Variants in ZNF563 observed in about 807,000 individuals in gnomAD.
The protein encoded by ZNF563 is zinc finger protein 563.
ZNF563 carries 39 observed loss-of-function variants against 48.5 expected under a neutral mutation model. The ratio of observed to expected loss-of-function variants is 0.80; its 90% confidence interval spans 0.62 to 1.05. The LOEUF is 1.05. ZNF563 is among the 50% of genes least tolerant of loss of function. The probability of loss-of-function intolerance (pLI) is 0.00; values close to 1 mark genes in which losing one functional copy is unlikely to be tolerated. For synonymous variants in ZNF563, 168 were observed against 187.9 expected (o/e 0.89, Z 0.87); for missense variants, 538 against 597.0 (o/e 0.90, Z 1.03).
chr19:12,319,309 G>A lies in ZNF563; in HGVS notation c.716C>T (p.Ser239Phe), dbSNP rs1398288950. The A allele has an allele frequency of 1.2e-6, 2 of 1,613,646 alleles. No homozygotes were observed. The highest frequency in any genetic ancestry group is 1.1e-5 in the South Asian group (1 of 91,026). Residue 239 changes from serine (S) to phenylalanine (F), a missense_variant, in exon 4 of 4, where the codon TCC (serine) becomes TTC (phenylalanine). Ser to Phe is a radical substitution (Grantham distance 155). Coordinates refer to ENST00000293725, the MANE Select transcript of ZNF563 (RefSeq NM_145276.3). ...GTGCATTCTCTCATGTCTTCGATAGGAACTGTAAAAAGGAAAGGCTTTAGA... is the reference window on the plus strand; with the variant it reads ...GTGCATTCTCTCATGTCTTCGATAGAAACTGTAAAAAGGAAAGGCTTTAGA... ...QCSKAFPFYS[S>F]YRRHERMHTG...
the ZNF563 span, among the ~76,000 whole-genome samples, chr19:12,340,828 A>G: frequency 6.6e-6 from 1 of 152,202 alleles, no homozygotes; most frequent in Non-Finnish European, 1.5e-5. Context: ...CTGTTTTTCA[A>G]AAGTGAGAAA....
upstream of ZNF563, among the ~76,000 whole-genome samples, chr19:12,336,995 T>A (rs1969027875): frequency 6.6e-6 from 1 of 152,236 alleles, no homozygotes; most frequent in Non-Finnish European, 1.5e-5. Context: ...CAGATAGTAA[T>A]GTCTTGGGTG....
rs528472316 is a variant in ZNF563 at position 12,333,310 on chromosome 19, C to G, written c.3+170G>C. Among the ~76,000 whole-genome samples the G allele has an allele frequency of 2.2e-3, 342 of 152,368 alleles. 3 individuals are homozygous for G. The highest frequency in any genetic ancestry group is 3.0e-3 in the Non-Finnish European group (202 of 68,042). On this transcript the variant is annotated intron_variant, in intron 1 of 3. Coordinates refer to ENST00000293725, the MANE Select transcript of ZNF563 (RefSeq NM_145276.3). Reference sequence around the variant, plus strand: ...GGACGCCCGGGGTCCCGGCTGCCAGCTCAGCCTCACTCTGTGGCTGAGGGG... The same window carrying G: ...GGACGCCCGGGGTCCCGGCTGCCAGGTCAGCCTCACTCTGTGGCTGAGGGG...
Position 12,319,711 on chromosome 19 carries a change from C to T in ZNF563, c.314G>A (p.Ser105Asn). 1.2e-6 allele frequency: 2 copies of T among 1,614,146 alleles called. No homozygotes were observed. The highest frequency in any genetic ancestry group is 1.7e-6 in the Non-Finnish European group (2 of 1,180,020). Residue 105 changes from serine (S) to asparagine (N), a missense_variant, in exon 4 of 4, where the codon AGC becomes AAC. By Grantham distance (46) the Ser-to-Asn change is conservative. Transcript: ENST00000293725. ...CATTATGACTTCTTCACACTCAGCG[C>T]TTTGACATGGATCTTCTCCAGGACA... ...SICPGEDPCQSAECEEVIMGH... is the reference protein window; with the variant it reads ...SICPGEDPCQNAECEEVIMGH...
Position 12,318,545 on chromosome 19 carries a change from T to C in ZNF563, c.*49A>G, listed in dbSNP as rs771793736. 1.3e-6 allele frequency: 2 copies of C among 1,553,066 alleles called. No homozygotes were observed. Among genetic ancestry groups the C allele is most frequent in the Non-Finnish European group, 1.7e-6 (2 of 1,147,190 alleles). On this transcript the variant is annotated 3_prime_UTR_variant, in exon 4 of 4. Coordinates refer to ENST00000293725, the MANE Select transcript of ZNF563 (RefSeq NM_145276.3). ...TTTCTGTCCAGTGTAAGTTTATTCA[T>C]GATATCAAAGGGAACTGGAAATATA... is the stretch of plus-strand genomic sequence containing the variant.
the ZNF563 span, among the ~76,000 whole-genome samples, chr19:12,342,447 T>G: frequency 5.5e-4 from 83 of 151,482 alleles, no homozygotes; most frequent in East Asian, 4.3e-3. Context: ...AGAAAATACT[T>G]TAAGGCCATG....
chr19:12,345,781 G>A, the ZNF563 span, among the ~76,000 whole-genome samples: 2 of 152,090 alleles, frequency 1.3e-5, no homozygotes, highest in East Asian at 3.9e-4. Context: ...GCGTGGTGGT[G>A]GGTGCCTATA....
chr19:12,324,973 AC>A (rs1360188442), intron 1 of ZNF563: 1 of 152,218 alleles, frequency 6.6e-6, no homozygotes, highest in African/African-American at 2.4e-5. Context: ...AACTCTGGTC[AC>A]TAATTCTAGA....
intron 3 of ZNF563, among the ~76,000 whole-genome samples, chr19:12,320,539 C>T (rs746959059): frequency 1.3e-5 from 2 of 151,370 alleles, no homozygotes; most frequent in Non-Finnish European, 2.9e-5. Context: ...CTTGCTCTGT[C>T]GCCAGGCTGG....
At chr19:12,329,674 T>G (rs1386266877) in intron 1 of ZNF563, among the ~76,000 whole-genome samples, 2 of 152,108 alleles carry the variant, frequency 1.3e-5, no homozygotes, top group African/African-American at 4.8e-5. Flanking sequence ...TTACATGGAA[T>G]GGACCAATTT....
At chr19:12,340,248 C>T in the ZNF563 span, among the ~76,000 whole-genome samples, 24 of 152,288 alleles carry the variant, frequency 1.6e-4, 1 homozygote, top group African/African-American at 5.5e-4. Context: ...GCAGAAGGAT[C>T]ACTTGAACCC....
upstream of ZNF563, among the ~76,000 whole-genome samples, chr19:12,335,069 C>T (rs8100546): frequency 0.049 from 7,376 of 152,078 alleles, 601 homozygotes; most frequent in African/African-American, 0.17. Flanking sequence ...CCCTTTGCAG[C>T]CTTCAGAATG....
At chr19:12,327,666 A>G (rs1968827235) in intron 1 of ZNF563, among the ~76,000 whole-genome samples, 1 of 152,144 alleles carries the variant, frequency 6.6e-6, no homozygotes, top group African/African-American at 2.4e-5. Context: ...CAATGTGTAC[A>G]TAAAAAACAT....
rs1968551293 is a variant in ZNF563, at chr19:12,319,597, T to C, written c.428A>G (p.His143Arg). The change falls in exon 4 of 4, where the codon CAT (histidine) becomes CGT (arginine). Residue 143 changes from histidine (H) to arginine (R), a missense_variant. His to Arg is a conservative substitution (Grantham distance 29). Transcript: ENST00000293725. Reference protein sequence around the residue: ...YQEYGEKPHTHKQRGKAFSYH... With the variant: ...YQEYGEKPHTRKQRGKAFSYH... The stretch of plus-strand genomic sequence containing the variant: ...ACTGAAGGCTTTCCCACGTTGTTTA[T>C]GTGTATGTGGCTTCTCTCCATATTC... 1.9e-6 allele frequency: 3 copies of C among 1,614,234 alleles called. No homozygotes were observed. Among genetic ancestry groups the C allele is most frequent in the Non-Finnish European group, 2.5e-6 (3 of 1,180,030 alleles).
Position 12,318,230 on chromosome 19 carries a change from G to T in ZNF563, c.*364C>A. ...TTGCCCAGGCAGGCCTCAAATTCCT[G>T]AGGTCAAGCAATTTGCCCACCCTAA... On this transcript the variant is annotated 3_prime_UTR_variant, in exon 4 of 4. Coordinates refer to ENST00000293725, the MANE Select transcript of ZNF563 (RefSeq NM_145276.3). 4.2e-6 allele frequency: 1 copy of T among 238,254 alleles called. No individual in the cohort carries two copies. The highest frequency in any genetic ancestry group is 8.2e-6 in the Non-Finnish European group (1 of 122,652). The allele number at this position is 238,254 out of a possible 1,614,324, so 14.8% of individuals were successfully genotyped here. A position where few individuals can be genotyped will look rare whatever the true frequency, so the allele number is the denominator to read the frequency against.
chr19:12,328,051 CA>C (rs1245802785), intron 1 of ZNF563, among the ~76,000 whole-genome samples: 1 of 152,176 alleles, frequency 6.6e-6, no homozygotes, highest in African/African-American at 2.4e-5. Context: ...CACTATTAAT[CA>C]GCTGGATTTC....
At chr19:12,321,226 G>T in intron 3 of ZNF563, 46 bp downstream of exon 3, 1 of 1,323,956 alleles carries the variant, frequency 7.6e-7, no homozygotes, top group Non-Finnish European at 1.1e-6. Flanking sequence ...CTTTTACTCT[G>T]AGAATCACTT....
chr19:12,324,051 C>T (rs1968704782), intron 1 of ZNF563, among the ~76,000 whole-genome samples: 1 of 151,998 alleles, frequency 6.6e-6, no homozygotes, highest in Admixed American at 6.6e-5. Context: ...TAAAACAGAC[C>T]TAAATAACCA....
upstream of ZNF563, among the ~76,000 whole-genome samples, chr19:12,335,105 A>G (rs1969004051): frequency 1.3e-5 from 2 of 152,098 alleles, no homozygotes; most frequent in Non-Finnish European, 2.9e-5. Context: ...CACTGGTTCA[A>G]ACTCTGCTGC....
Sources: allele counts gnomAD v4.1 joint callset (sites outside exome capture counted in the v4.1 genomes callset), GRCh38; gene constraint gnomAD v4.1.1; transcripts MANE v1.5; gene names NCBI Gene and HGNC (gene_info 2026-07-23, HGNC 2026-07-21).